The following NAPB variants were observed in gnomAD, a reference collection of about 807,000 sequenced individuals.
NAPB encodes the protein beta-soluble NSF attachment protein.
NAPB carries 26 observed loss-of-function variants against 44.7 expected under a neutral mutation model. The ratio of observed to expected loss-of-function variants is 0.58; its 90% CI spans 0.43 to 0.81. The LOEUF (loss-of-function observed/expected upper bound fraction) is 0.81, where lower values mean the gene tolerates loss of function less well. Among genes scored for constraint, NAPB ranks in the 30% least tolerant of loss-of-function variants. NAPB has a pLI of 0.00. For synonymous variants in NAPB, 120 were observed against 116.8 expected (o/e 1.03, Z -0.18); for missense variants, 315 against 356.4 (o/e 0.88, Z 0.94).
At chr20:23,415,910 G>A (rs918933942) in intron 1 of NAPB, among the ~76,000 whole-genome samples, 2 of 152,138 alleles carry the variant, frequency 1.3e-5, no homozygotes, top group African/African-American at 4.8e-5. Flanking sequence ...AGGTTGAAGT[G>A]AGCAGATATC....
intron 10 of NAPB, chr20:23,379,194 T>C (rs1021106291): frequency 2.9e-5 from 11 of 383,564 alleles, no homozygotes; most frequent in Non-Finnish European, 5.1e-5. Flanking sequence ...ATTATAAGAA[T>C]ATAAATGGAA....
chr20:23,411,614 A>G (rs899515193), intron 1 of NAPB, among the ~76,000 whole-genome samples: 2 of 149,114 alleles, frequency 1.3e-5, no homozygotes, highest in African/African-American at 5.0e-5. Context: ...AAACACTTCT[A>G]TGTCTGACAA....
At chr20:23,394,439 G>A (rs1199802629) in intron 5 of NAPB, among the ~76,000 whole-genome samples, 2 of 152,162 alleles carry the variant, frequency 1.3e-5, no homozygotes, top group Non-Finnish European at 2.9e-5. Context: ...AGACATGTTG[G>A]GTTAGAGATG....
rs574588389 is a variant in NAPB at position 23,411,963 on chromosome 20, A to G, written c.99-8891T>C. On this transcript the variant is annotated intron_variant, in intron 1 of 10. Transcript: ENST00000377026. ...CAAAACCCAACTTTGTGCTCAGTAC[A>G]AGAAACACAACTAAAATACCTATTC... 7.2e-5 allele frequency among the ~76,000 whole-genome samples: 11 copies of G among 152,336 alleles called. No individual in the cohort carries two copies. The South Asian group carries it at 2.3e-3, about 32-fold the overall frequency.
At chr20:23,385,600 T>G (rs1983437791) in intron 7 of NAPB, among the ~76,000 whole-genome samples, 1 of 152,098 alleles carries the variant, frequency 6.6e-6, no homozygotes, top group South Asian at 2.1e-4. Context: ...TAATCCCAGC[T>G]ACTCGGGAGG....
intron 7 of NAPB, among the ~76,000 whole-genome samples, chr20:23,383,621 A>G (rs1053292763): frequency 7.9e-5 from 12 of 152,232 alleles, no homozygotes; most frequent in African/African-American, 2.7e-4. Context: ...ATGAAGGCAA[A>G]ATCAAAACGT....
chr20:23,388,802 T>C (rs990320572), intron 7 of NAPB, among the ~76,000 whole-genome samples: 1 of 146,644 alleles, frequency 6.8e-6, no homozygotes, highest in Non-Finnish European at 1.5e-5. Context: ...AACTATACAA[T>C]TCCTATAACA....
intron 2 of NAPB, among the ~76,000 whole-genome samples, chr20:23,398,404 C>G (rs1984537901): frequency 6.6e-6 from 1 of 152,112 alleles, no homozygotes; most frequent in African/African-American, 2.4e-5. Context: ...GGGTCTCAAT[C>G]TGTCACCCAG....
At chr20:23,420,618 G>C (rs1986329871) in intron 1 of NAPB, among the ~76,000 whole-genome samples, 1 of 152,080 alleles carries the variant, frequency 6.6e-6, no homozygotes, top group African/African-American at 2.4e-5. Context: ...GAGCGATACG[G>C]GCTTCAGCGT....
intron 1 of NAPB, 128 bp downstream of exon 1, chr20:23,421,177 C>G (rs368707600): frequency 1.1e-4 from 76 of 708,510 alleles, no homozygotes; most frequent in South Asian, 6.8e-4. Context: ...CGCCTGCAGG[C>G]TGAGGGCCCC....
intron 1 of NAPB, 71 bp downstream of exon 1, chr20:23,421,234 G>A: frequency 2.2e-6 from 3 of 1,365,522 alleles, no homozygotes; most frequent in Admixed American, 2.2e-5. Context: ...GACTCGGGGG[G>A]TCAGCCTGAA....
chr20:23,387,855 G>A (rs1983644589), intron 7 of NAPB, among the ~76,000 whole-genome samples: 1 of 152,066 alleles, frequency 6.6e-6, no homozygotes, highest in Non-Finnish European at 1.5e-5. Flanking sequence ...TGGGCTACAG[G>A]GTGCCCAGAT....
chr20:23,396,962 TC>T, intron 3 of NAPB, 109 bp downstream of exon 3: 1 of 1,148,926 alleles, frequency 8.7e-7, no homozygotes, highest in Non-Finnish European at 1.2e-6. Context: ...ATACAAAAAT[TC>T]CTTTTTACCA....
chr20:23,392,351 T>C (rs1373169017), intron 5 of NAPB, among the ~76,000 whole-genome samples: 1 of 152,202 alleles, frequency 6.6e-6, no homozygotes. Flanking sequence ...CCTGTTCTTT[T>C]ATAGCTGCAT....
intron 1 of NAPB, among the ~76,000 whole-genome samples, chr20:23,419,154 CTATTAT>C (rs1986215229): frequency 6.6e-6 from 1 of 152,128 alleles, no homozygotes; most frequent in Non-Finnish European, 1.5e-5. Flanking sequence ...TTGAGATATA[CTATTAT>C]TGTCTCCGTT....
At chr20:23,381,105 G>A (rs750922983) in intron 8 of NAPB, 108 bp downstream of exon 8, 55 of 772,476 alleles carry the variant, frequency 7.1e-5, no homozygotes, top group Middle Eastern at 2.3e-4. Flanking sequence ...TAATGTACCC[G>A]TTTATTCTTG....
intron 5 of NAPB, among the ~76,000 whole-genome samples, chr20:23,392,309 C>T (rs778293427): frequency 3.3e-5 from 5 of 152,114 alleles, no homozygotes; most frequent in Non-Finnish European, 5.9e-5. Flanking sequence ...CTGTGTGTGA[C>T]TAAGTATTTG....
chr20:23,394,945 T>C lies in NAPB; in HGVS notation c.397A>G (p.Thr133Ala). ...HHITIAEIYE[T>A]ELVDIEKAIA... ...ACCTTCTCAATGTCTACAAGTTCAG[T>C]CTCATAGATCTCTGCAATAGTAATG... The change falls in exon 5 of 11, where the codon ACT becomes GCT. Residue 133 changes from threonine to alanine, a missense_variant. Physicochemically the swap from Thr to Ala is moderately conservative, Grantham distance 58. Coordinates refer to ENST00000377026, the MANE Select transcript of NAPB (RefSeq NM_022080.3). The C allele has an allele frequency of 6.2e-7, 1 of 1,614,138 alleles. No individual in the cohort carries two copies. Among genetic ancestry groups the C allele is most frequent in the Non-Finnish European group, 8.5e-7 (1 of 1,179,996 alleles).
Position 23,381,225 on chromosome 20 carries a change from C to T in NAPB, c.654G>A (p.Glu218=). The part of the protein sequence containing the change: ...KAALCHFIVD[E]LNAKLALEKY... ...AAGAACTCCTTACCTTGGCATTCAA[C>T]TCGTCTACTATGAAGTGGCAGAGGG... Residue 218 remains glutamate (E), a synonymous_variant, in exon 8 of 11, where the codon GAG becomes GAA. Transcript: ENST00000377026. 1 of 1,613,054 alleles carries T rather than the reference C, an allele frequency of 6.2e-7. No homozygotes were observed. Among genetic ancestry groups the T allele is most frequent in the Non-Finnish European group, 8.5e-7 (1 of 1,179,160 alleles).
Sources: allele counts gnomAD v4.1 joint callset (sites outside exome capture counted in the v4.1 genomes callset), GRCh38; gene constraint gnomAD v4.1.1; transcripts MANE v1.5; gene names NCBI Gene and HGNC (gene_info 2026-07-23, HGNC 2026-07-21).